MACC1: variants seen among roughly 807,000 people sequenced by gnomAD.
MACC1 encodes the protein metastasis-associated in colon cancer protein 1.
Under a neutral mutation model 70.7 loss-of-function variants are expected in MACC1, and 79 were observed. The observed-to-expected ratio is 1.12, with a 90% CI of 0.93 to 1.35. MACC1 has a LOEUF of 1.35. Ranked by LOEUF, MACC1 falls within the 40% of genes most tolerant of loss-of-function variation. MACC1 has a pLI of 0.00. For missense variants in MACC1, 1,106 were observed against 978.1 expected, an observed-to-expected ratio of 1.13 and a Z score of -1.74; for synonymous variants, 361 against 347.2, an observed-to-expected ratio of 1.04 and a Z score of -0.44.
At chr7:20,183,396 A>G (rs147636692) in intron 1 of MACC1, among the ~76,000 whole-genome samples, 2 of 152,324 alleles carry the variant, frequency 1.3e-5, no homozygotes, top group Admixed American at 1.3e-4. Context: ...TTTTCCCCAG[A>G]GCCTCCATAG....
At chr7:20,165,724 T>C (rs1782207525) in intron 2 of MACC1, among the ~76,000 whole-genome samples, 1 of 152,120 alleles carries the variant, frequency 6.6e-6, no homozygotes, top group African/African-American at 2.4e-5. Context: ...TAGAGAAACA[T>C]GAGTCAGTCT....
chr7:20,166,924 C>T (rs1237461723), intron 2 of MACC1, among the ~76,000 whole-genome samples: 1 of 152,160 alleles, frequency 6.6e-6, no homozygotes, highest in East Asian at 1.9e-4. Context: ...AGGTCAGAAA[C>T]TGTTTGAAGT....
intron 2 of MACC1, among the ~76,000 whole-genome samples, chr7:20,168,782 A>G (rs1782259409): frequency 6.6e-6 from 1 of 152,188 alleles, no homozygotes; most frequent in African/African-American, 2.4e-5. Context: ...AGTAAAGCCC[A>G]CTATGCTTGG....
At chr7:20,169,884 C>T (rs1782277957) in intron 2 of MACC1, among the ~76,000 whole-genome samples, 1 of 152,340 alleles carries the variant, frequency 6.6e-6, no homozygotes, top group East Asian at 1.9e-4. Flanking sequence ...CCTTGCTTTT[C>T]CTCTGGTCTC....
In MACC1 at chr7:20,135,156, C is replaced by G. The variant is rs1315777873; in HGVS notation, c.*5790G>C. The G allele has an allele frequency of 1.3e-5, 2 of 152,158 alleles. No homozygotes were observed. Among genetic ancestry groups the G allele is most frequent in the African/African-American group, 4.8e-5 (2 of 41,434 alleles). 9.4% of individuals were successfully genotyped at this position (152,158 alleles called of 1,614,324 possible). The stretch of plus-strand genomic sequence containing the variant: ...TTTTTCCGAAGATATTTTACAGAAA[C>G]AAATGCAATGTTACATATATTTTGT... On this transcript the variant is annotated 3_prime_UTR_variant, in exon 7 of 7. Coordinates refer to ENST00000400331, the MANE Select transcript of MACC1 (RefSeq NM_182762.4).
At chr7:20,203,367 G>T (rs574688268) in intron 1 of MACC1, among the ~76,000 whole-genome samples, 148 of 152,268 alleles carry the variant, frequency 9.7e-4, no homozygotes, top group Non-Finnish European at 1.4e-3. Flanking sequence ...TGGAAGCTTT[G>T]ACCCTCCTTT....
At chr7:20,170,403 G>A (rs890187343) in intron 2 of MACC1, 1 of 152,142 alleles carries the variant, frequency 6.6e-6, no homozygotes, top group African/African-American at 2.4e-5. Context: ...GTTGGTCTTA[G>A]ACAATGTAAT....
chr7:20,138,501 GA>G lies in MACC1; in HGVS notation c.*2444del, dbSNP rs1404707748. On this transcript the variant is annotated 3_prime_UTR_variant, in exon 7 of 7. Coordinates refer to ENST00000400331, the MANE Select transcript of MACC1 (RefSeq NM_182762.4). ...AATAAGATTCCAAGAATGTTCTAAA[GA>G]AAGCAAAATCACCACAAAAAAGGAC... 2 of 151,862 alleles carry G rather than the reference GA, an allele frequency of 1.3e-5. No homozygotes were observed. The highest frequency in any genetic ancestry group is 2.9e-5 in the Non-Finnish European group (2 of 67,966). 9.4% of individuals were successfully genotyped at this position (151,862 alleles called of 1,614,324 possible).
intron 1 of MACC1, among the ~76,000 whole-genome samples, chr7:20,201,880 G>A (rs1349841382): frequency 6.6e-6 from 1 of 152,162 alleles, no homozygotes; most frequent in African/African-American, 2.4e-5. Flanking sequence ...TGTACCAGTT[G>A]GAACCATGTC....
At chr7:20,157,468 A>T (rs547534185) in intron 5 of MACC1, among the ~76,000 whole-genome samples, 2 of 151,988 alleles carry the variant, frequency 1.3e-5, no homozygotes, top group Admixed American at 1.3e-4. Flanking sequence ...TTAAATTGCT[A>T]AAGGATATTG....
chr7:20,146,721 C>A (rs1468841123), intron 6 of MACC1, among the ~76,000 whole-genome samples: 1 of 152,176 alleles, frequency 6.6e-6, no homozygotes, highest in Non-Finnish European at 1.5e-5. Flanking sequence ...TGCAGAAACT[C>A]TACACTTGTG....
At chr7:20,212,560 C>T (rs1048162953) in intron 1 of MACC1, among the ~76,000 whole-genome samples, 2 of 152,092 alleles carry the variant, frequency 1.3e-5, no homozygotes, top group Non-Finnish European at 2.9e-5. Flanking sequence ...GGAGGAAAAG[C>T]GGAGCTAGGT....
chr7:20,177,870 AC>A (rs1376946720), intron 1 of MACC1, among the ~76,000 whole-genome samples: 1 of 152,002 alleles, frequency 6.6e-6, no homozygotes, highest in East Asian at 1.9e-4. Context: ...AAATTGTTGG[AC>A]TTTTTTAAAC....
intron 2 of MACC1, chr7:20,170,258 GATACGTGAAATATATCTCAATA>G (rs1782284347): frequency 6.6e-6 from 1 of 152,200 alleles, no homozygotes; most frequent in Non-Finnish European, 1.5e-5. Context: ...TGGTTACAAT[GATACGTGAAATATATCTCAATA>G]AAGCTTTTTT....
intron 1 of MACC1, among the ~76,000 whole-genome samples, chr7:20,177,252 AATG>A (rs1274912034): frequency 6.6e-6 from 1 of 152,176 alleles, no homozygotes. Flanking sequence ...TTAAATAACA[AATG>A]ATAACATTTG....
chr7:20,193,767 C>A (rs896526169), intron 1 of MACC1, among the ~76,000 whole-genome samples: 2 of 146,346 alleles, frequency 1.4e-5, no homozygotes, highest in African/African-American at 5.1e-5. Flanking sequence ...GAAGTTTGGC[C>A]TCTTTCTATT....
chr7:20,136,874 A>G lies in MACC1; in HGVS notation c.*4072T>C, dbSNP rs1420954988. On this transcript the variant is annotated 3_prime_UTR_variant, in exon 7 of 7. Coordinates refer to ENST00000400331, the MANE Select transcript of MACC1 (RefSeq NM_182762.4). Reference sequence around the variant, plus strand: ...TTGTAATTATTAATTCTTAAAGATTATTAATTATAATATTAAATTATATTA... The same window carrying G: ...TTGTAATTATTAATTCTTAAAGATTGTTAATTATAATATTAAATTATATTA... The G allele has an allele frequency of 1.4e-5, 2 of 140,930 alleles. No individual in the cohort carries two copies. 8.7% of individuals were successfully genotyped at this position (140,930 alleles called of 1,614,324 possible). A position where few individuals can be genotyped will look rare whatever the true frequency, so the allele number is the denominator to read the frequency against.
At chr7:20,149,015 C>T (rs527315446) in intron 6 of MACC1, among the ~76,000 whole-genome samples, 75 of 152,302 alleles carry the variant, frequency 4.9e-4, no homozygotes, top group African/African-American at 1.5e-3. Context: ...AATTCAACAT[C>T]CCTGTAAGCA....
intron 1 of MACC1, among the ~76,000 whole-genome samples, chr7:20,193,597 T>A (rs1782704258): frequency 2.6e-5 from 4 of 152,132 alleles, no homozygotes; most frequent in Non-Finnish European, 5.9e-5. Flanking sequence ...GCTTCTACGA[T>A]CTTATAAGAG....
Sources: gnomAD v4.1 joint callset for allele counts (sites outside exome capture counted in the v4.1 genomes callset) on GRCh38, gnomAD v4.1.1 for gene constraint, MANE v1.5 for transcripts, NCBI Gene and HGNC (gene_info 2026-07-23, HGNC 2026-07-21) for gene names.